The following CELF1 variants were observed in gnomAD, a reference collection of about 807,000 sequenced individuals.
The protein encoded by CELF1 is CUGBP Elav-like family member 1.
Under a neutral mutation model 61.8 loss-of-function variants are expected in CELF1, and 10 were observed. The observed-to-expected ratio is 0.16, with a 90% confidence interval of 0.10 to 0.27. The LOEUF (loss-of-function observed/expected upper bound fraction) is 0.27. Ranked by LOEUF, CELF1 falls within the 10% of genes least tolerant of loss-of-function variation. The probability of loss-of-function intolerance (pLI) is 1.00; values close to 1 mark genes in which losing one functional copy is unlikely to be tolerated. For synonymous variants in CELF1, 236 were observed against 225.1 expected, an observed-to-expected ratio of 1.05 and a Z score of -0.43; for missense variants, 380 against 639.1, an observed-to-expected ratio of 0.59 and a Z score of 4.37.
At chr11:47,552,808 GA>G (rs1440304098) in intron 1 of CELF1, among the ~76,000 whole-genome samples, 183 bp downstream of exon 1, 1 of 152,198 alleles carries the variant, frequency 6.6e-6, no homozygotes, top group Non-Finnish European at 1.5e-5. Context: ...GGGAGCCGGG[GA>G]CCCCGACATG....
chr11:47,527,058 A>G (rs2096270395), intron 1 of CELF1, among the ~76,000 whole-genome samples: 1 of 151,882 alleles, frequency 6.6e-6, no homozygotes, highest in Non-Finnish European at 1.5e-5. Flanking sequence ...TCTAAAAAAA[A>G]AAAAAAGCTT....
At chr11:47,499,248 T>C (rs759295750) in intron 3 of CELF1, among the ~76,000 whole-genome samples, 6 of 152,194 alleles carry the variant, frequency 3.9e-5, no homozygotes, top group Non-Finnish European at 7.4e-5. Flanking sequence ...TGCACCTTTA[T>C]GTAAATAACT....
At chr11:47,518,360 CT>C (rs2095668799) in intron 1 of CELF1, among the ~76,000 whole-genome samples, 1 of 152,214 alleles carries the variant, frequency 6.6e-6, no homozygotes, top group Admixed American at 6.5e-5. Context: ...TTCAATCAAC[CT>C]TTCCTGCCAA....
Position 47,472,075 on chromosome 11 carries a change from G to A in CELF1, c.*155C>T, listed in dbSNP as rs1409083120. ...CGAAGCGAAACTCCCACAGAAGGCA[G>A]TAGCCGAGTCTTCAGGGCAAGCTGT... On this transcript the variant is annotated 3_prime_UTR_variant, in exon 15 of 15. Transcript: ENST00000687097. 4 of 808,808 alleles carry A rather than the reference G, an allele frequency of 4.9e-6. No homozygotes were observed. The highest frequency in any genetic ancestry group is 2.0e-5 in the South Asian group (1 of 49,920). The allele number at this position is 808,808 out of a possible 1,614,324, so 50.1% of individuals were successfully genotyped here. A position where few individuals can be genotyped will look rare whatever the true frequency, so the allele number is the denominator to read the frequency against.
At chr11:47,484,785 T>C (rs2085626056) in intron 6 of CELF1, among the ~76,000 whole-genome samples, 1 of 152,234 alleles carries the variant, frequency 6.6e-6, no homozygotes, top group Non-Finnish European at 1.5e-5. Flanking sequence ...TTCAAGTGAT[T>C]CTCCTGCCTC....
At chr11:47,523,190 A>C (rs1171542559) in intron 1 of CELF1, 1 of 152,214 alleles carries the variant, frequency 6.6e-6, no homozygotes, top group Non-Finnish European at 1.5e-5. Context: ...AATTTTAAAA[A>C]AGGCCAAGAA....
intron 1 of CELF1, among the ~76,000 whole-genome samples, chr11:47,546,270 C>T (rs893382239): frequency 7.4e-5 from 1 of 13,568 alleles, no homozygotes; most frequent in Non-Finnish European, 1.5e-4. Context: ...GGGCCGGGGG[C>T]GGGGGCGGGG....
Position 47,484,372 on chromosome 11 carries a change from A to C in CELF1, c.526+17T>G. On this transcript the variant is annotated intron_variant, in intron 7 of 14. Coordinates refer to ENST00000687097, the MANE Select transcript of CELF1 (RefSeq NM_001376376.1). Reference sequence around the variant, plus strand: ...AACAAAAAACCAAAAGATTATTTAAAAGCTAAAACTACCTACCTCGGCTCA... The same window carrying C: ...AACAAAAAACCAAAAGATTATTTAACAGCTAAAACTACCTACCTCGGCTCA... 6.3e-7 allele frequency: 1 copy of C among 1,595,420 alleles called. No homozygotes were observed. Among genetic ancestry groups the C allele is most frequent in the Non-Finnish European group, 8.5e-7 (1 of 1,175,018 alleles).
At chr11:47,487,934 T>C (rs1339768442) in intron 4 of CELF1, among the ~76,000 whole-genome samples, 1 of 152,208 alleles carries the variant, frequency 6.6e-6, no homozygotes, top group African/African-American at 2.4e-5. Context: ...TCTCATGAGA[T>C]ACAATATAGA....
intron 1 of CELF1, among the ~76,000 whole-genome samples, chr11:47,501,814 C>A (rs2093944064): frequency 6.6e-6 from 1 of 152,086 alleles, no homozygotes; most frequent in Non-Finnish European, 1.5e-5. Flanking sequence ...CAGTAAGACT[C>A]CGTCTCCCCC....
At chr11:47,528,130 A>C (rs2068688377) in intron 1 of CELF1, among the ~76,000 whole-genome samples, 1 of 147,640 alleles carries the variant, frequency 6.8e-6, no homozygotes, top group South Asian at 2.2e-4. Context: ...ACAAACACAC[A>C]GCAATACACC....
intron 3 of CELF1, among the ~76,000 whole-genome samples, chr11:47,494,087 T>C (rs561917800): frequency 6.6e-6 from 1 of 152,350 alleles, no homozygotes; most frequent in South Asian, 2.1e-4. Context: ...AGCAGTTCCC[T>C]GGAGAAGTAT....
chr11:47,534,294 T>A (rs2096574922), intron 1 of CELF1, among the ~76,000 whole-genome samples: 1 of 151,380 alleles, frequency 6.6e-6, no homozygotes, highest in East Asian at 2.0e-4. Flanking sequence ...CCTCCCAAAG[T>A]GCTGGGATTA....
At position 47,565,497 on chromosome 11, in the gene CELF1, TCA is replaced by T. The variant is rs1464286769; in HGVS notation, c.-355_-354del. The stretch of plus-strand genomic sequence containing the variant: ...CCAGAGTCCAGGCCAGTCCCCGCCG[TCA>T]CCCGGTGCGAGCCCGCGAGAGGCCT... On this transcript the variant is annotated 5_prime_UTR_variant, in exon 1 of 4. Coordinates refer to the CELF1 transcript ENST00000525841. 2.6e-5 allele frequency: 22 copies of T among 845,540 alleles called. 1 individual carries two copies. Among genetic ancestry groups the T allele is most frequent in the Middle Eastern group, 4.4e-4 (1 of 2,294 alleles). The allele number at this position is 845,540 out of a possible 1,614,324, so 52.4% of individuals were successfully genotyped here.
chr11:47,551,488 AAC>A (rs2097135509), intron 1 of CELF1, among the ~76,000 whole-genome samples: 2 of 152,350 alleles, frequency 1.3e-5, no homozygotes, highest in South Asian at 4.1e-4. Flanking sequence ...TCACTGTAGC[AAC>A]AGTTTGTGCA....
At chr11:47,514,131 T>C (rs998280269) in intron 1 of CELF1, 4 of 152,074 alleles carry the variant, frequency 2.6e-5, no homozygotes, top group African/African-American at 7.2e-5. Context: ...GGTTTCGACA[T>C]GTTGGCCAGG....
intron 1 of CELF1, among the ~76,000 whole-genome samples, chr11:47,551,300 G>A (rs1226528654): frequency 6.6e-6 from 1 of 152,176 alleles, no homozygotes; most frequent in East Asian, 1.9e-4. Context: ...ACAGGTGGTG[G>A]ACTGTCATGA....
chr11:47,524,959 C>T (rs1033099620), intron 1 of CELF1, among the ~76,000 whole-genome samples: 3 of 152,166 alleles, frequency 2.0e-5, no homozygotes, highest in African/African-American at 7.2e-5. Context: ...TAATTTCAGT[C>T]ACTGACACCA....
chr11:47,510,455 G>A (rs1047852201), intron 1 of CELF1, among the ~76,000 whole-genome samples: 3 of 152,154 alleles, frequency 2.0e-5, no homozygotes, highest in Non-Finnish European at 4.4e-5. Context: ...ACATACATCA[G>A]TCCTAAACCC....
Sources: allele counts gnomAD v4.1 joint callset (sites outside exome capture counted in the v4.1 genomes callset), GRCh38; gene constraint gnomAD v4.1.1; transcripts MANE v1.5; gene names NCBI Gene and HGNC (gene_info 2026-07-23, HGNC 2026-07-21).